CYRIB: variants seen among roughly 807,000 people sequenced by gnomAD.
CYRIB encodes CYFIP-related Rac1 interactor B.
CYRIB carries 8 observed loss-of-function variants against 44.2 expected under a neutral mutation model. That is an observed-to-expected ratio of 0.18 (90% CI 0.11 to 0.33). The LOEUF is 0.33. CYRIB is among the 10% of genes least tolerant of loss of function. CYRIB has a pLI of 1.00. For missense variants in CYRIB, 185 were observed against 382.8 expected (o/e 0.48, Z 4.31); for synonymous variants, 131 against 127.2 (o/e 1.03, Z -0.20).
intron 1 of CYRIB, among the ~76,000 whole-genome samples, chr8:130,005,101 G>A (rs1177243952): frequency 1.3e-5 from 2 of 151,960 alleles, no homozygotes; most frequent in African/African-American, 4.8e-5. Context: ...TGCCTACTGT[G>A]CTGACTTCTG....
At chr8:129,922,667 G>A (rs1403257492) in intron 1 of CYRIB, among the ~76,000 whole-genome samples, 1 of 151,068 alleles carries the variant, frequency 6.6e-6, no homozygotes, top group Non-Finnish European at 1.5e-5. Context: ...ATCGAGACCA[G>A]CCTGGCTAAC....
chr8:129,871,136 G>C (rs1588088115), intron 4 of CYRIB, among the ~76,000 whole-genome samples: 1 of 152,096 alleles, frequency 6.6e-6, no homozygotes, highest in African/African-American at 2.4e-5. Flanking sequence ...TCAGGTATAA[G>C]AGCAACCCAA....
intron 1 of CYRIB, among the ~76,000 whole-genome samples, chr8:130,009,015 C>G (rs1460353845): frequency 6.6e-6 from 1 of 152,184 alleles, no homozygotes. Flanking sequence ...GATGCTAGAC[C>G]CTATGTCAGG....
chr8:130,004,537 T>C (rs1001998762), intron 1 of CYRIB: 1 of 152,222 alleles, frequency 6.6e-6, no homozygotes, highest in Non-Finnish European at 1.5e-5. Context: ...TACAGGTTTT[T>C]TTGTTTCTTA....
chr8:129,984,652 A>G (rs1255770464), intron 1 of CYRIB, among the ~76,000 whole-genome samples: 1 of 152,160 alleles, frequency 6.6e-6, no homozygotes, highest in African/African-American at 2.4e-5. Context: ...ACCAGTCAGG[A>G]TAACACTTCA....
upstream of CYRIB, chr8:130,016,455 GGTTGGCGGGGCTCAC>G (rs1279328989): frequency 6.6e-6 from 1 of 150,990 alleles, no homozygotes; most frequent in East Asian, 2.0e-4. Flanking sequence ...GCCGTTTCCG[GGTTGGCGGGGCTCAC>G]GTCACCGCCA....
intron 2 of CYRIB, 103 bp from the exon 5 acceptor site, chr8:129,879,574 C>G: frequency 1.2e-6 from 1 of 837,390 alleles, no homozygotes; most frequent in Non-Finnish European, 1.9e-6. Context: ...TTCATTAGGC[C>G]ATGAATTCAT....
At chr8:129,858,128 G>C (rs2047183904) in intron 5 of CYRIB, among the ~76,000 whole-genome samples, 1 of 152,230 alleles carries the variant, frequency 6.6e-6, no homozygotes, top group African/African-American at 2.4e-5. Flanking sequence ...GCACAAGTCA[G>C]TCCTACTAGC....
intron 2 of CYRIB, among the ~76,000 whole-genome samples, chr8:129,892,658 T>C (rs937969682): frequency 2.6e-5 from 4 of 152,190 alleles, no homozygotes; most frequent in African/African-American, 9.6e-5. Context: ...GCAAGAGCAA[T>C]GGGCACAATT....
chr8:129,852,612 G>A (rs1306681775), intron 7 of CYRIB, among the ~76,000 whole-genome samples: 3 of 152,080 alleles, frequency 2.0e-5, no homozygotes, highest in Admixed American at 2.0e-4. Flanking sequence ...CAACATCCAT[G>A]GTAAGATTCT....
chr8:130,016,028 G>A (rs1310788950), intron 1 of CYRIB, among the ~76,000 whole-genome samples: 1 of 151,790 alleles, frequency 6.6e-6, no homozygotes, highest in Non-Finnish European at 1.5e-5. Flanking sequence ...CGACCCGAGC[G>A]CCCCCTGCCT....
chr8:129,852,153 A>G lies in CYRIB; in HGVS notation c.633+9T>C. 1 of 1,511,086 alleles carries G rather than the reference A, an allele frequency of 6.6e-7. No individual in the cohort carries two copies. The highest frequency in any genetic ancestry group is 8.9e-7 in the Non-Finnish European group (1 of 1,119,844). The allele number at this position is 1,511,086 out of a possible 1,614,324, so 93.6% of individuals were successfully genotyped here. A position where few individuals can be genotyped will look rare whatever the true frequency, so the allele number is the denominator to read the frequency against. On this transcript the variant is annotated intron_variant, in intron 8 of 11. Transcript: ENST00000519824. ...AACAACACAGAGTACCTGCCTAGGC[A>G]ATGCTTACCTCTGATACAAATTTTG...
chr8:129,893,584 C>A (rs2135100096), intron 2 of CYRIB, among the ~76,000 whole-genome samples: 1 of 152,252 alleles, frequency 6.6e-6, no homozygotes, highest in African/African-American at 2.4e-5. Flanking sequence ...AAAACTATAA[C>A]AATTTAGCAA....
upstream of CYRIB, among the ~76,000 whole-genome samples, chr8:129,944,767 A>G (rs1302930663): frequency 6.6e-6 from 1 of 151,706 alleles, no homozygotes; most frequent in Non-Finnish European, 1.5e-5. Flanking sequence ...TGGGCAACGC[A>G]GTAAGACTCT....
At chr8:129,996,122 CCTT>C (rs1432133938) in intron 1 of CYRIB, among the ~76,000 whole-genome samples, 1 of 152,200 alleles carries the variant, frequency 6.6e-6, no homozygotes, top group Non-Finnish European at 1.5e-5. Context: ...GGCATCCACT[CCTT>C]CATTCATTCA....
At chr8:129,939,302 G>A (rs1401815792) in intron 1 of CYRIB, among the ~76,000 whole-genome samples, 2 of 151,670 alleles carry the variant, frequency 1.3e-5, no homozygotes, top group Non-Finnish European at 2.9e-5. Context: ...GTCACTGGCG[G>A]GCGCAGGATC....
intron 2 of CYRIB, among the ~76,000 whole-genome samples, chr8:129,883,200 G>C (rs925078938): frequency 6.6e-6 from 1 of 151,080 alleles, no homozygotes; most frequent in Non-Finnish European, 1.5e-5. Context: ...TAACATTTTG[G>C]GCTGAGGAGT....
chr8:129,865,199 T>G (rs1360075480), intron 4 of CYRIB: 1 of 152,918 alleles, frequency 6.5e-6, no homozygotes, highest in East Asian at 1.9e-4. Flanking sequence ...AGTGATAGTA[T>G]GTCTTCTTTC....
rs543750214 is a variant in CYRIB, at chr8:129,967,370, TG to T, written c.-243+3572del. 7.5e-3 allele frequency among the ~76,000 whole-genome samples: 1,105 copies of T among 147,942 alleles called. 15 individuals are homozygous for T. Among genetic ancestry groups the T allele is most frequent in the African/African-American group, 0.027 (1,027 of 37,674 alleles). On this transcript the variant is annotated intron_variant, in intron 2 of 14. Transcript: ENST00000401979. Reference sequence around the variant, plus strand: ...TCTTTGGTTTTGTTTTGTTTTGTTTTGTTTTTTTGTTTTTTTGTTTTTTTTT... The same window carrying T: ...TCTTTGGTTTTGTTTTGTTTTGTTTTTTTTTTTGTTTTTTTGTTTTTTTTT...
Sources: allele counts gnomAD v4.1 joint callset (sites outside exome capture counted in the v4.1 genomes callset), GRCh38; gene constraint gnomAD v4.1.1; transcripts MANE v1.5; gene names NCBI Gene and HGNC (gene_info 2026-07-23, HGNC 2026-07-21).